Variants in RGL1 observed in about 807,000 individuals in gnomAD.
RGL1 encodes ral guanine nucleotide dissociation stimulator like 1, also known as ral guanine nucleotide dissociation stimulator-like 1.
Under a neutral mutation model 95.2 loss-of-function variants are expected in RGL1, and 24 were observed. The ratio of observed to expected loss-of-function variants is 0.25; its 90% CI spans 0.18 to 0.35. The LOEUF is 0.35. RGL1 is among the 10% of genes least tolerant of loss of function. The pLI is 1.00. For synonymous variants in RGL1, 329 were observed against 344.9 expected, an observed-to-expected ratio of 0.95 and a Z score of 0.51; for missense variants, 715 against 936.3, an observed-to-expected ratio of 0.76 and a Z score of 3.08.
intron 15 of RGL1, among the ~76,000 whole-genome samples, chr1:183,913,075 G>A (rs915207213): frequency 1.3e-5 from 2 of 151,580 alleles, no homozygotes; most frequent in Non-Finnish European, 2.9e-5. Context: ...AAACTGATGA[G>A]AGGTGATAAA....
chr1:183,770,819 C>T (rs1659237395), intron 2 of RGL1, among the ~76,000 whole-genome samples: 1 of 152,116 alleles, frequency 6.6e-6, no homozygotes, highest in Non-Finnish European at 1.5e-5. Context: ...CCAGATCAGA[C>T]AAACTTTTTC....
chr1:183,855,550 A>G (rs1396088454), intron 3 of RGL1, among the ~76,000 whole-genome samples: 1 of 152,226 alleles, frequency 6.6e-6, no homozygotes, highest in African/African-American at 2.4e-5. Flanking sequence ...TTTCAGTAAG[A>G]GGCAAGGTTT....
chr1:183,655,844 T>C (rs1416755422), intron 1 of RGL1, among the ~76,000 whole-genome samples: 1 of 152,160 alleles, frequency 6.6e-6, no homozygotes, highest in Admixed American at 6.6e-5. Context: ...AGGAAAAGTA[T>C]AGGGTAAAGG....
intron 1 of RGL1, among the ~76,000 whole-genome samples, chr1:183,703,000 T>G (rs187995000): frequency 1.1e-3 from 170 of 152,314 alleles, no homozygotes; most frequent in African/African-American, 4.0e-3. Flanking sequence ...AGTACCTCTC[T>G]CGGTCTTCAG....
intron 1 of RGL1, among the ~76,000 whole-genome samples, chr1:183,718,976 A>G (rs1395678708): frequency 6.6e-6 from 1 of 152,160 alleles, no homozygotes; most frequent in Non-Finnish European, 1.5e-5. Context: ...AAGAAGGAGG[A>G]AATTTGAAGT....
At chr1:183,713,697 C>T (rs993665628) in intron 1 of RGL1, among the ~76,000 whole-genome samples, 3 of 152,142 alleles carry the variant, frequency 2.0e-5, no homozygotes, top group Non-Finnish European at 4.4e-5. Context: ...TCACTAGACA[C>T]CAAATCTACC....
chr1:183,894,000 G>A (rs758771919), intron 9 of RGL1, among the ~76,000 whole-genome samples: 4 of 152,212 alleles, frequency 2.6e-5, no homozygotes, highest in Non-Finnish European at 5.9e-5. Context: ...GGCAGTATGT[G>A]CTGATGTCTG....
At chr1:183,815,543 G>T (rs952415445) in intron 2 of RGL1, among the ~76,000 whole-genome samples, 1 of 152,120 alleles carries the variant, frequency 6.6e-6, no homozygotes, top group Non-Finnish European at 1.5e-5. Context: ...GCACCTCCTG[G>T]CTGCTTTTCA....
chr1:183,768,862 T>C (rs544280053), intron 2 of RGL1, among the ~76,000 whole-genome samples: 1 of 152,330 alleles, frequency 6.6e-6, no homozygotes, highest in African/African-American at 2.4e-5. Context: ...TTAGTATCCT[T>C]AAGTTTTAGT....
chr1:183,713,376 A>AAC (rs1553273632), intron 1 of RGL1, among the ~76,000 whole-genome samples: 1 of 48,206 alleles, frequency 2.1e-5, no homozygotes, highest in Non-Finnish European at 3.5e-5. Context: ...ATCTAGAGGC[A>AAC]CCCCCCCCCC....
chr1:183,744,784 T>C (rs1172093894), intron 2 of RGL1, among the ~76,000 whole-genome samples: 1 of 152,160 alleles, frequency 6.6e-6, no homozygotes, highest in South Asian at 2.1e-4. Context: ...ATAGTCAAAT[T>C]TATTTCTTCA....
chr1:183,715,265 T>C (rs746334303), intron 1 of RGL1, among the ~76,000 whole-genome samples: 3 of 152,190 alleles, frequency 2.0e-5, no homozygotes, highest in Non-Finnish European at 4.4e-5. Context: ...TTGTTTTTTT[T>C]GTTTTTTTTA....
At chr1:183,848,949 T>C (rs182661987) in intron 3 of RGL1, among the ~76,000 whole-genome samples, 1 of 152,310 alleles carries the variant, frequency 6.6e-6, no homozygotes, top group East Asian at 1.9e-4. Context: ...AGTATGTATG[T>C]ATATATACAC....
chr1:183,913,100 G>A (rs1392795632), intron 15 of RGL1, among the ~76,000 whole-genome samples: 3 of 148,408 alleles, frequency 2.0e-5, no homozygotes, highest in Non-Finnish European at 4.5e-5. Flanking sequence ...TTTCCGTCGA[G>A]TTTCTATTTT....
intron 3 of RGL1, among the ~76,000 whole-genome samples, chr1:183,853,447 A>G (rs1664950624): frequency 6.6e-6 from 1 of 152,240 alleles, no homozygotes; most frequent in Non-Finnish European, 1.5e-5. Context: ...ACTGAGTAAT[A>G]GTCTGAATTA....
In RGL1 at chr1:183,926,309, C is replaced by A. The variant is rs1442497673; in HGVS notation, c.*17C>A. The A allele has an allele frequency of 6.3e-7, 1 of 1,588,764 alleles. No individual in the cohort carries two copies. Among genetic ancestry groups the A allele is most frequent in the Non-Finnish European group, 8.6e-7 (1 of 1,165,068 alleles). The stretch of plus-strand genomic sequence containing the variant: ...ACCCTCTGAAGGGAGGGACCAGTGG[C>A]CCCTTGTTTGCCAAAGGCAGAGTGG... On this transcript the variant is annotated 3_prime_UTR_variant, in exon 18 of 18. Coordinates refer to ENST00000360851, the MANE Select transcript of RGL1 (RefSeq NM_001297671.3).
At chr1:183,773,015 C>CAAAAAAAAAAAAAAAAAAAAAA (rs60100787) in intron 2 of RGL1, among the ~76,000 whole-genome samples, 1 of 72,408 alleles carries the variant, frequency 1.4e-5, no homozygotes, top group Non-Finnish European at 2.7e-5. Flanking sequence ...GACTCCGTCT[C>CAAAAAAAAAAAAAAAAAAAAAA]AAAAAAAAAA....
chr1:183,704,174 G>A (rs1043968061), intron 1 of RGL1, among the ~76,000 whole-genome samples: 34 of 152,302 alleles, frequency 2.2e-4, no homozygotes, highest in Admixed American at 1.5e-3. Context: ...CTATAGGATC[G>A]TATGGAGTTT....
chr1:183,859,859 G>A (rs1284986648), intron 3 of RGL1, among the ~76,000 whole-genome samples: 5 of 152,166 alleles, frequency 3.3e-5, no homozygotes, highest in Non-Finnish European at 5.9e-5. Context: ...GGTAGGCTTG[G>A]TGGCTGTGAC....
Sources: allele counts gnomAD v4.1 joint callset (sites outside exome capture counted in the v4.1 genomes callset), GRCh38; gene constraint gnomAD v4.1.1; transcripts MANE v1.5; gene names NCBI Gene and HGNC (gene_info 2026-07-23, HGNC 2026-07-21).